PLXNC1: variants seen among roughly 807,000 people sequenced by gnomAD.
PLXNC1 encodes the protein plexin-C1.
In PLXNC1, 75 loss-of-function variants were observed where a neutral mutation model predicts 178.2. That is an observed-to-expected ratio of 0.42 (90% CI 0.35 to 0.51). The LOEUF is 0.51. Ranked by LOEUF, PLXNC1 falls within the 20% of genes least tolerant of loss-of-function variation. PLXNC1 has a pLI of 0.02. For missense variants in PLXNC1, 1,503 were observed against 1,984.4 expected, an observed-to-expected ratio of 0.76 and a Z score of 4.61; for synonymous variants, 790 against 779.9, an observed-to-expected ratio of 1.01 and a Z score of -0.22.
intron 11 of PLXNC1, 36 bp from the exon 12 acceptor site, chr12:94,243,902 C>A: frequency 1.9e-6 from 2 of 1,045,012 alleles, no homozygotes; most frequent in South Asian, 1.5e-5. Flanking sequence ...TGTGTGTTAG[C>A]TATGAAACCC....
intron 2 of PLXNC1, among the ~76,000 whole-genome samples, chr12:94,180,856 T>C (rs1426799535): frequency 6.6e-6 from 1 of 152,180 alleles, no homozygotes; most frequent in Non-Finnish European, 1.5e-5. Flanking sequence ...GGTCAGAAAT[T>C]GTGGTCAGCC....
chr12:94,149,051 C>T lies in PLXNC1; in HGVS notation c.80C>T (p.Ala27Val), dbSNP rs1351685102. Reference sequence around the variant, plus strand: ...CTGCCCCTGCTCGCCTATCTGCTGGCACTGGCGGCTCCCGGCCGGGGCGCG... The same window carrying T: ...CTGCCCCTGCTCGCCTATCTGCTGGTACTGGCGGCTCCCGGCCGGGGCGCG... ...APLPLLAYLL[A>V]LAAPGRGADE... Residue 27 changes from alanine (A) to valine (V), a missense_variant, in exon 1 of 31, where the codon GCA becomes GTA. Coordinates refer to ENST00000258526, the MANE Select transcript of PLXNC1 (RefSeq NM_005761.3). The T allele has an allele frequency of 2.0e-6, 3 of 1,535,000 alleles. No individual in the cohort carries two copies. The highest frequency in any genetic ancestry group is 2.0e-5 in the Admixed American group (1 of 50,660).
chr12:94,182,003 A>G (rs921439673), intron 3 of PLXNC1, among the ~76,000 whole-genome samples: 39 of 152,122 alleles, frequency 2.6e-4, no homozygotes, highest in African/African-American at 9.4e-4. Flanking sequence ...CAGGAAATAT[A>G]TGGTACTCCC....
At chr12:94,263,341 G>A (rs1965056048) in intron 20 of PLXNC1, among the ~76,000 whole-genome samples, 1 of 152,204 alleles carries the variant, frequency 6.6e-6, no homozygotes, top group South Asian at 2.1e-4. Context: ...GGATTCTGGT[G>A]ATTAGCCAGG....
intron 2 of PLXNC1, among the ~76,000 whole-genome samples, chr12:94,174,647 C>G (rs1392984247): frequency 6.6e-6 from 1 of 152,166 alleles, no homozygotes; most frequent in Non-Finnish European, 1.5e-5. Context: ...TTTGTAAAGG[C>G]AAGCTGTACT....
chr12:94,231,251 T>C (rs923881949), intron 9 of PLXNC1, among the ~76,000 whole-genome samples: 3 of 152,060 alleles, frequency 2.0e-5, no homozygotes, highest in African/African-American at 7.2e-5. Context: ...TCCAGACACA[T>C]GAATGCGGGT....
At chr12:94,277,385 T>C (rs935723474) in intron 21 of PLXNC1, among the ~76,000 whole-genome samples, 9 of 152,130 alleles carry the variant, frequency 5.9e-5, no homozygotes, top group Non-Finnish European at 1.0e-4. Context: ...CATAGCAGCA[T>C]TAAAGACAAG....
At position 94,149,143 on chromosome 12, in the gene PLXNC1, T is replaced by C; in HGVS notation, c.172T>C (p.Phe58Leu). ...CGCGGCGAGCCAGGAGGACGGCGTGTTTGTGGCGAGCGGCAGCTGCCTGGA... is the reference window on the plus strand; with the variant it reads ...CGCGGCGAGCCAGGAGGACGGCGTGCTTGTGGCGAGCGGCAGCTGCCTGGA... ...AIAASQEDGV[F>L]VASGSCLDQL... is the part of the protein sequence containing the mutation. Residue 58 changes from phenylalanine to leucine, a missense_variant, in exon 1 of 31, where the codon TTT becomes CTT. Physicochemically the swap from Phe to Leu is conservative, Grantham distance 22 (BLOSUM62 0). Around this residue, in one of 4 missense-constraint regions of PLXNC1, gnomAD observed 176 missense variants for 180.7 expected, o/e 0.97. Coordinates refer to ENST00000258526, the MANE Select transcript of PLXNC1 (RefSeq NM_005761.3). 3 of 1,590,304 alleles carry C rather than the reference T, an allele frequency of 1.9e-6. No homozygotes were observed. Among genetic ancestry groups the C allele is most frequent in the Non-Finnish European group, 2.6e-6 (3 of 1,172,706 alleles).
rs967935134 is a variant in PLXNC1 at position 94,227,284 on chromosome 12, A to C, written c.1980+49A>C. 3 of 1,059,292 alleles carry C rather than the reference A, an allele frequency of 2.8e-6. No individual in the cohort carries two copies. In the African/African-American group the frequency reaches 4.7e-5, roughly 16 times the overall value. 65.6% of individuals were successfully genotyped at this position (1,059,292 alleles called of 1,614,324 possible). Reference sequence around the variant, plus strand: ...TGAGGGGAAAACCTGTCTTTGAATGACCATGACCACAACTCATACTACTTT... The same window carrying C: ...TGAGGGGAAAACCTGTCTTTGAATGCCCATGACCACAACTCATACTACTTT... On this transcript the variant is annotated intron_variant, in intron 9 of 30. Coordinates refer to ENST00000258526, the MANE Select transcript of PLXNC1 (RefSeq NM_005761.3).
At chr12:94,190,430 G>A (rs1432327042) in intron 4 of PLXNC1, among the ~76,000 whole-genome samples, 1 of 151,964 alleles carries the variant, frequency 6.6e-6, no homozygotes, top group African/African-American at 2.4e-5. Context: ...TTGTAGAGAC[G>A]GGGTTTCACC....
At position 94,260,191 on chromosome 12, in the gene PLXNC1, C is replaced by G. The variant is rs1230300795; in HGVS notation, c.3252-451C>G. ...CCTCAGCCTCCCCAAGTAGCTGGAA[C>G]TACAGGTGCATGCCACCACACCCAG... is the stretch of plus-strand genomic sequence containing the variant. On this transcript the variant is annotated intron_variant, in intron 19 of 30. Transcript: ENST00000258526. This position sits in a 1 kb window ranked among gnomAD's most constrained non-coding sequence, Gnocchi z 4.4. Among the ~76,000 whole-genome samples, 1 of 152,126 alleles carries G rather than the reference C, an allele frequency of 6.6e-6. No individual in the cohort carries two copies. Among genetic ancestry groups the G allele is most frequent in the East Asian group, 1.9e-4 (1 of 5,166 alleles).
At chr12:94,296,104 CTT>C (rs758879500) in intron 24 of PLXNC1, among the ~76,000 whole-genome samples, 4 of 152,152 alleles carry the variant, frequency 2.6e-5, no homozygotes, top group Non-Finnish European at 5.9e-5. Context: ...CTCACCTGTA[CTT>C]TCTTTTCCTC....
At chr12:94,174,026 C>T (rs188446308) in intron 2 of PLXNC1, among the ~76,000 whole-genome samples, 2,319 of 144,214 alleles carry the variant, frequency 0.016, 28 homozygotes, top group Non-Finnish European at 0.025. Context: ...AGTGTCTCCC[C>T]GACCTCCCAG....
chr12:94,164,355 T>G (rs1483539767), intron 1 of PLXNC1, among the ~76,000 whole-genome samples: 1 of 152,154 alleles, frequency 6.6e-6, no homozygotes, highest in Non-Finnish European at 1.5e-5. Flanking sequence ...AACACTTGAC[T>G]CTTGCTTGGT....
intron 21 of PLXNC1, among the ~76,000 whole-genome samples, chr12:94,278,346 G>A (rs143661334): frequency 3.9e-5 from 6 of 152,290 alleles, no homozygotes; most frequent in South Asian, 2.1e-4. Flanking sequence ...ATCAATTCCC[G>A]TGAGGGTACG....
chr12:94,177,548 A>G (rs905861486), intron 2 of PLXNC1, among the ~76,000 whole-genome samples: 1 of 151,808 alleles, frequency 6.6e-6, no homozygotes, highest in Non-Finnish European at 1.5e-5. Context: ...AAAGAGAGAG[A>G]AAGAAAAAGA....
chr12:94,157,616 T>C (rs1961222577), intron 1 of PLXNC1, among the ~76,000 whole-genome samples: 1 of 152,222 alleles, frequency 6.6e-6, no homozygotes, highest in African/African-American at 2.4e-5. Context: ...CAGTAGCTGA[T>C]TTTCATGTTG....
chr12:94,195,586 A>G (rs910266042), intron 4 of PLXNC1, among the ~76,000 whole-genome samples: 2 of 152,004 alleles, frequency 1.3e-5, no homozygotes, highest in African/African-American at 4.8e-5. Flanking sequence ...TGCTGCTTAT[A>G]AGGTATCTGT....
Position 94,304,036 on chromosome 12 carries a change from A to T in PLXNC1, c.4587A>T (p.Val1529=). The change falls in exon 30 of 31, where the codon GTA becomes GTT. Residue 1529 remains valine (V), a synonymous_variant. Coordinates refer to ENST00000258526, the MANE Select transcript of PLXNC1 (RefSeq NM_005761.3). ...VALTEIYKYI[V]KYFDEILNKL... ...TGACAGAAATTTACAAATACATCGT[A>T]AAATATTTTGATGAGGTAAGATTTT... 1 of 1,555,268 alleles carries T rather than the reference A, an allele frequency of 6.4e-7. No homozygotes were observed. The highest frequency in any genetic ancestry group is 8.9e-7 in the Non-Finnish European group (1 of 1,128,230).
Sources: allele counts gnomAD v4.1 joint callset (sites outside exome capture counted in the v4.1 genomes callset), GRCh38; gene constraint gnomAD v4.1.1; regional missense constraint gnomAD v4.1.1; non-coding constraint Gnocchi (gnomAD v3.1); transcripts MANE v1.5; gene names NCBI Gene and HGNC (gene_info 2026-07-23, HGNC 2026-07-21).